Variants in RNF180 observed in about 807,000 individuals in gnomAD.
RNF180 encodes ring finger protein 180, also known as E3 ubiquitin-protein ligase RNF180.
A neutral mutation model predicts 59.2 loss-of-function variants in RNF180; 38 were observed. The ratio of observed to expected loss-of-function variants is 0.64; its 90% CI spans 0.50 to 0.84. The LOEUF is 0.84. RNF180 is among the 40% of genes least tolerant of loss of function. The pLI is 0.00. For synonymous variants in RNF180, 262 were observed against 240.3 expected, an observed-to-expected ratio of 1.09 and a Z score of -0.84; for missense variants, 705 against 700.9, an observed-to-expected ratio of 1.01 and a Z score of -0.07.
chr5:64,218,750 TGCAGTTTCCA>T (rs1308218423), intron 5 of RNF180, among the ~76,000 whole-genome samples: 2 of 152,210 alleles, frequency 1.3e-5, no homozygotes, highest in Non-Finnish European at 2.9e-5. Flanking sequence ...ATCAGCATTT[TGCAGTTTCCA>T]GCATTCAGAA....
At chr5:64,252,463 G>A (rs1048725008) in intron 5 of RNF180, among the ~76,000 whole-genome samples, 7 of 152,062 alleles carry the variant, frequency 4.6e-5, no homozygotes, top group African/African-American at 1.7e-4. Context: ...ATAACTGTGA[G>A]GTAATACATA....
At chr5:64,283,700 C>T (rs1435775782) in intron 5 of RNF180, among the ~76,000 whole-genome samples, 1 of 152,118 alleles carries the variant, frequency 6.6e-6, no homozygotes, top group African/African-American at 2.4e-5. Flanking sequence ...GATGAAGGTG[C>T]CTTGCTTCCC....
intron 5 of RNF180, among the ~76,000 whole-genome samples, chr5:64,221,102 T>C (rs1741304171): frequency 2.6e-5 from 4 of 152,072 alleles, no homozygotes; most frequent in African/African-American, 9.7e-5. Flanking sequence ...GCCCATTTAA[T>C]ATTTCATCTC....
At chr5:64,235,936 C>A (rs545149809) in intron 5 of RNF180, among the ~76,000 whole-genome samples, 22 of 152,284 alleles carry the variant, frequency 1.4e-4, no homozygotes, top group Admixed American at 3.9e-4. Flanking sequence ...TCTTTCTTTA[C>A]AAATTACCCA....
chr5:64,190,049 A>G (rs1392016371), intron 1 of RNF180, among the ~76,000 whole-genome samples: 1 of 152,152 alleles, frequency 6.6e-6, no homozygotes, highest in Admixed American at 6.5e-5. Context: ...GTATAGGGCC[A>G]TCTCTTCAGT....
intron 5 of RNF180, among the ~76,000 whole-genome samples, chr5:64,247,956 A>G (rs763762400): frequency 1.3e-5 from 2 of 152,216 alleles, no homozygotes; most frequent in African/African-American, 2.4e-5. Flanking sequence ...ATAATGCCAC[A>G]CATCTAAAAC....
intron 5 of RNF180, among the ~76,000 whole-genome samples, chr5:64,275,110 T>G (rs1013215478): frequency 6.6e-6 from 1 of 151,624 alleles, no homozygotes; most frequent in African/African-American, 2.4e-5. Flanking sequence ...ACAATGACAT[T>G]TATAAAAATT....
At chr5:64,281,120 T>A (rs1741985772) in intron 5 of RNF180, among the ~76,000 whole-genome samples, 1 of 152,236 alleles carries the variant, frequency 6.6e-6, no homozygotes, top group East Asian at 1.9e-4. Flanking sequence ...AGTGTTGGAA[T>A]ATAGAAATGC....
intron 7 of RNF180, among the ~76,000 whole-genome samples, chr5:64,346,878 A>C (rs947106107): frequency 6.6e-6 from 1 of 152,182 alleles, no homozygotes; most frequent in Non-Finnish European, 1.5e-5. Flanking sequence ...TAAGAATAGA[A>C]TTGTGGACTC....
rs528681876 is a variant in RNF180, at chr5:64,321,869, A to G, written c.1228-3317A>G. On this transcript the variant is annotated intron_variant, in intron 5 of 7. Coordinates refer to ENST00000389100, the MANE Select transcript of RNF180 (RefSeq NM_001113561.2). ...GAAATAACACCACACATCTACAACC[A>G]TCTGATCTTCGACAAACCTGATAAA... 7.9e-5 allele frequency among the ~76,000 whole-genome samples: 12 copies of G among 152,314 alleles called. No homozygotes were observed. In the South Asian group the frequency reaches 2.5e-3, roughly 32 times the overall value.
At chr5:64,197,818 G>T (rs1309520710) in intron 1 of RNF180, among the ~76,000 whole-genome samples, 1 of 152,074 alleles carries the variant, frequency 6.6e-6, no homozygotes, top group East Asian at 1.9e-4. Context: ...ATGGATATTT[G>T]GCAGTATTGT....
At chr5:64,345,809 T>C (rs1745530324) in intron 7 of RNF180, among the ~76,000 whole-genome samples, 1 of 152,232 alleles carries the variant, frequency 6.6e-6, no homozygotes, top group African/African-American at 2.4e-5. Flanking sequence ...TGAGCCATTA[T>C]TCTGAATACA....
intron 5 of RNF180, among the ~76,000 whole-genome samples, chr5:64,268,362 T>G (rs188648589): frequency 5.9e-5 from 9 of 152,316 alleles, no homozygotes; most frequent in Admixed American, 1.3e-4. Context: ...TATTTTCATT[T>G]GTCTTTTCTC....
At chr5:64,207,815 C>T (rs1418320624) in intron 2 of RNF180, among the ~76,000 whole-genome samples, 1 of 152,068 alleles carries the variant, frequency 6.6e-6, no homozygotes, top group East Asian at 1.9e-4. Context: ...ACATTTGTGA[C>T]ACTTTAGACA....
intron 2 of RNF180, among the ~76,000 whole-genome samples, chr5:64,202,374 C>A (rs143504629): frequency 1.1e-3 from 161 of 152,226 alleles, no homozygotes; most frequent in African/African-American, 3.7e-3. Flanking sequence ...GAATATACCA[C>A]AGTTTATCAA....
At chr5:64,279,876 TGAG>T (rs1394531406) in intron 5 of RNF180, among the ~76,000 whole-genome samples, 1 of 152,116 alleles carries the variant, frequency 6.6e-6, no homozygotes, top group Non-Finnish European at 1.5e-5. Context: ...GTGGATCACT[TGAG>T]GTCAGGAGTT....
intron 5 of RNF180, among the ~76,000 whole-genome samples, chr5:64,323,684 A>G (rs992124837): frequency 1.2e-4 from 18 of 152,210 alleles, no homozygotes; most frequent in South Asian, 4.1e-4. Context: ...AAAGAGCAGA[A>G]GGGATGGGGG....
rs138984290 is a variant in RNF180, at chr5:64,176,914, C to T, written c.-1+10961C>T. 3.4e-3 allele frequency among the ~76,000 whole-genome samples: 522 copies of T among 152,136 alleles called. 2 individuals are homozygous for T. Among genetic ancestry groups the T allele is most frequent in the African/African-American group, 0.011 (474 of 41,518 alleles). ...TTGAAGTATGGACACATATTTTGGGCAGCAAGGAATGAAGAGAATAGACGT... is the reference window on the plus strand; with the variant it reads ...TTGAAGTATGGACACATATTTTGGGTAGCAAGGAATGAAGAGAATAGACGT... On this transcript the variant is annotated intron_variant, in intron 1 of 7. Transcript: ENST00000389100.
At chr5:64,360,562 A>T (rs747866057) in intron 7 of RNF180, among the ~76,000 whole-genome samples, 2 of 151,812 alleles carry the variant, frequency 1.3e-5, no homozygotes, top group Non-Finnish European at 2.9e-5. Flanking sequence ...GGCCAGGGCA[A>T]TTAAGCAGGA....
Sources: allele counts gnomAD v4.1 joint callset (sites outside exome capture counted in the v4.1 genomes callset), GRCh38; gene constraint gnomAD v4.1.1; transcripts MANE v1.5; gene names NCBI Gene and HGNC (gene_info 2026-07-23, HGNC 2026-07-21).